SCTR: variants seen among roughly 807,000 people sequenced by gnomAD.
The protein encoded by SCTR is pancreatic secretin receptor.
A neutral mutation model predicts 60.8 loss-of-function variants in SCTR; 56 were observed. The ratio of observed to expected loss-of-function variants is 0.92; its 90% CI spans 0.74 to 1.15. The LOEUF is 1.15. Among genes scored for constraint, SCTR ranks in the 50% most tolerant of loss-of-function variants. SCTR has a pLI of 0.00. For synonymous variants in SCTR, 202 were observed against 217.0 expected, an observed-to-expected ratio of 0.93 and a Z score of 0.61; for missense variants, 562 against 550.4, an observed-to-expected ratio of 1.02 and a Z score of -0.21.
chr2:119,475,640 T>A (rs1401904927), intron 3 of SCTR, among the ~76,000 whole-genome samples: 2 of 146,620 alleles, frequency 1.4e-5, no homozygotes, highest in Non-Finnish European at 3.0e-5. Context: ...ATTTATATTA[T>A]ATATATAATA....
chr2:119,443,240 G>A (rs1682722262), intron 11 of SCTR, among the ~76,000 whole-genome samples: 1 of 152,176 alleles, frequency 6.6e-6, no homozygotes, highest in South Asian at 2.1e-4. Flanking sequence ...GTGATTCTGC[G>A]ATCATTAAGG....
chr2:119,494,941 T>C (rs6711043), intron 1 of SCTR, among the ~76,000 whole-genome samples: 10,265 of 152,238 alleles, frequency 0.067, 1,146 homozygotes, highest in African/African-American at 0.23. Context: ...GGTCTTGTTT[T>C]CTATTTTTCT....
chr2:119,481,808 C>G (rs143550510), intron 2 of SCTR, among the ~76,000 whole-genome samples: 68 of 152,368 alleles, frequency 4.5e-4, no homozygotes, highest in African/African-American at 1.6e-3. Context: ...GCTGGAACCA[C>G]TGCCTCCCAC....
chr2:119,489,342 G>C (rs4499437), intron 2 of SCTR, among the ~76,000 whole-genome samples: 3,089 of 152,286 alleles, frequency 0.02, 101 homozygotes, highest in African/African-American at 0.069. Context: ...CTTGGGGCCA[G>C]CTGTCTTTTG....
At chr2:119,519,810 C>CAAAAAAAAAAAAAAAAAAA (rs71396064) in intron 1 of SCTR, among the ~76,000 whole-genome samples, 2 of 58,292 alleles carry the variant, frequency 3.4e-5, no homozygotes, top group African/African-American at 6.0e-5. Context: ...GACTCTGTCT[C>CAAAAAAAAAAAAAAAAAAA]AAAAAAAAAA....
intron 2 of SCTR, chr2:119,486,804 A>G (rs942789585): frequency 2.0e-5 from 3 of 152,260 alleles, no homozygotes; most frequent in African/African-American, 7.2e-5. Flanking sequence ...ATAAGCTGCC[A>G]TATTTTGGAA....
chr2:119,507,156 GT>G (rs1678766198), intron 1 of SCTR, among the ~76,000 whole-genome samples: 1 of 152,178 alleles, frequency 6.6e-6, no homozygotes, highest in Non-Finnish European at 1.5e-5. Context: ...GGTAAAGTAT[GT>G]TGAGTCCATT....
chr2:119,494,109 AGAG>A (rs1678252510), intron 2 of SCTR, among the ~76,000 whole-genome samples: 1 of 152,158 alleles, frequency 6.6e-6, no homozygotes, highest in Non-Finnish European at 1.5e-5. Context: ...AGGATGAATG[AGAG>A]GAGAACTGTC....
chr2:119,447,875 A>G lies in SCTR; in HGVS notation c.1013+814T>C, dbSNP rs1303646675. 3.3e-5 allele frequency among the ~76,000 whole-genome samples: 5 copies of G among 152,180 alleles called. No homozygotes were observed. The East Asian group carries it at 5.8e-4, about 18-fold the overall frequency. The stretch of plus-strand genomic sequence containing the variant: ...GTGTGAGCCACCGCGCCTGGATGCT[A>G]ATTTGTCTTTAATATAATTTATGGG... On this transcript the variant is annotated intron_variant, in intron 10 of 12. Coordinates refer to ENST00000019103, the MANE Select transcript of SCTR (RefSeq NM_002980.3).
At chr2:119,443,577 C>T (rs772932091) in intron 11 of SCTR, among the ~76,000 whole-genome samples, 9 of 152,136 alleles carry the variant, frequency 5.9e-5, no homozygotes, top group Non-Finnish European at 7.4e-5. Flanking sequence ...GACGGAGTCT[C>T]GCTCTGTCAC....
At chr2:119,488,853 G>A (rs1678000170) in intron 2 of SCTR, among the ~76,000 whole-genome samples, 1 of 152,236 alleles carries the variant, frequency 6.6e-6, no homozygotes, top group Non-Finnish European at 1.5e-5. Flanking sequence ...GGCACATTGA[G>A]GAGTGGGGAG....
chr2:119,460,010 G>A (rs1006606741), intron 7 of SCTR, among the ~76,000 whole-genome samples: 4 of 151,734 alleles, frequency 2.6e-5, no homozygotes, highest in South Asian at 2.1e-4. Flanking sequence ...TAGAGACGTC[G>A]GCATAACTCT....
At chr2:119,450,073 A>G (rs971398794) in intron 9 of SCTR, among the ~76,000 whole-genome samples, 1 of 148,404 alleles carries the variant, frequency 6.7e-6, no homozygotes, top group Non-Finnish European at 1.5e-5. Flanking sequence ...AGAAAGAAAG[A>G]AAGAAAAATA....
At chr2:119,450,867 T>C (rs1683136959) in intron 9 of SCTR, among the ~76,000 whole-genome samples, 1 of 152,054 alleles carries the variant, frequency 6.6e-6, no homozygotes, top group African/African-American at 2.4e-5. Context: ...GAGGCTGATG[T>C]GAGAGGGTCA....
Position 119,524,405 on chromosome 2 carries a change from TG to T in SCTR, c.-180del, listed in dbSNP as rs1679388949. On this transcript the variant is annotated 5_prime_UTR_variant, in exon 1 of 13. Coordinates refer to ENST00000019103, the MANE Select transcript of SCTR (RefSeq NM_002980.3). ...CGGGACTGCTCCTCCTCGGACCAGG[TG>T]GCCGCGCGCGCTAAGCCGCCCGCCC... is the stretch of plus-strand genomic sequence containing the variant. 2.5e-6 allele frequency: 1 copy of T among 395,926 alleles called. No individual in the cohort carries two copies. Among genetic ancestry groups the T allele is most frequent in the Non-Finnish European group, 4.4e-6 (1 of 227,534 alleles). 24.5% of individuals were successfully genotyped at this position (395,926 alleles called of 1,614,324 possible).
intron 1 of SCTR, chr2:119,495,639 G>A (rs1678317261): frequency 6.6e-6 from 1 of 152,304 alleles, no homozygotes; most frequent in South Asian, 2.1e-4. Context: ...TCAGAGGCAA[G>A]TAGAAGTCAT....
At chr2:119,472,549 G>A (rs867349956) in intron 4 of SCTR, among the ~76,000 whole-genome samples, 1 of 152,204 alleles carries the variant, frequency 6.6e-6, no homozygotes, top group Admixed American at 6.5e-5. Flanking sequence ...GCCGATTGCC[G>A]AAGGGAGCAT....
At position 119,461,948 on chromosome 2, in the gene SCTR, T is replaced by C. The variant is rs1191632729; in HGVS notation, c.689A>G (p.Tyr230Cys). 1 of 1,613,238 alleles carries C rather than the reference T, an allele frequency of 6.2e-7. No homozygotes were observed. The highest frequency in any genetic ancestry group is 1.7e-5 in the Admixed American group (1 of 59,944). Reference sequence around the variant, plus strand: ...GAGGCCTTCCACCAGCAGCCAGGAGTAGTTGGCCATGATGCAGTACTGGAA... The same window carrying C: ...GAGGCCTTCCACCAGCAGCCAGGAGCAGTTGGCCATGATGCAGTACTGGAA... ...VLFQYCIMAN[Y>C]SWLLVEGLYL... The change falls in exon 7 of 13, where the codon TAC becomes TGC. Residue 230 changes from tyrosine (Y) to cysteine (C), a missense_variant. Tyr to Cys is a radical substitution (Grantham distance 194). Transcript: ENST00000019103.
At chr2:119,485,078 C>T (rs1273890676) in intron 2 of SCTR, among the ~76,000 whole-genome samples, 1 of 152,206 alleles carries the variant, frequency 6.6e-6, no homozygotes, top group Non-Finnish European at 1.5e-5. Context: ...CTGCCAGTCA[C>T]CACCTGTGAC....
Sources: gnomAD v4.1 joint callset for allele counts (sites outside exome capture counted in the v4.1 genomes callset) on GRCh38, gnomAD v4.1.1 for gene constraint, MANE v1.5 for transcripts, NCBI Gene and HGNC (gene_info 2026-07-23, HGNC 2026-07-21) for gene names.